EXOC4: variants seen among roughly 807,000 people sequenced by gnomAD.
EXOC4 encodes SEC8-like 1.
EXOC4 carries 71 observed loss-of-function variants against 107.2 expected under a neutral mutation model. That is an observed-to-expected ratio of 0.66 (90% CI 0.55 to 0.81). EXOC4 has a LOEUF of 0.81. Ranked by LOEUF, EXOC4 falls within the 30% of genes least tolerant of loss-of-function variation. The pLI is 0.00. For missense variants in EXOC4, 1,108 were observed against 1,189.6 expected, an observed-to-expected ratio of 0.93 and a Z score of 1.01; for synonymous variants, 456 against 441.2, an observed-to-expected ratio of 1.03 and a Z score of -0.42.
At chr7:133,326,514 A>G (rs1251488361) in intron 5 of EXOC4, among the ~76,000 whole-genome samples, 2 of 152,210 alleles carry the variant, frequency 1.3e-5, no homozygotes, top group Non-Finnish European at 2.9e-5. Flanking sequence ...CAGAGGCTGC[A>G]GAACAGTGAA....
chr7:133,947,379 G>C (rs1171508923), intron 14 of EXOC4, among the ~76,000 whole-genome samples: 1 of 152,138 alleles, frequency 6.6e-6, no homozygotes, highest in Non-Finnish European at 1.5e-5. Context: ...ATCATTTCCA[G>C]TAAATCATGG....
intron 8 of EXOC4, among the ~76,000 whole-genome samples, chr7:133,477,311 T>C (rs1009056819): frequency 1.3e-5 from 2 of 152,188 alleles, no homozygotes; most frequent in African/African-American, 4.8e-5. Context: ...CACCACATAT[T>C]CATCCCTCCA....
intron 10 of EXOC4, among the ~76,000 whole-genome samples, chr7:133,800,522 CT>C (rs1010897086): frequency 5.3e-5 from 8 of 152,170 alleles, no homozygotes; most frequent in African/African-American, 1.4e-4. Context: ...AATAACATTC[CT>C]TTTTTTGTCC....
intron 14 of EXOC4, among the ~76,000 whole-genome samples, chr7:133,975,052 A>G (rs1793799633): frequency 6.6e-6 from 1 of 151,540 alleles, no homozygotes; most frequent in South Asian, 2.1e-4. Flanking sequence ...TGTATCGCAT[A>G]TGGAGGAAAG....
intron 3 of EXOC4, among the ~76,000 whole-genome samples, chr7:133,303,712 A>C (rs1187827042): frequency 1.3e-5 from 2 of 152,222 alleles, no homozygotes; most frequent in Non-Finnish European, 2.9e-5. Flanking sequence ...TGAAGTTCTG[A>C]GACTACCTTT....
intron 10 of EXOC4, among the ~76,000 whole-genome samples, chr7:133,798,277 T>C (rs1796857514): frequency 6.6e-6 from 1 of 152,214 alleles, no homozygotes; most frequent in Non-Finnish European, 1.5e-5. Context: ...ACATAGGATA[T>C]TGTGAGTAAG....
intron 10 of EXOC4, chr7:133,732,593 T>G (rs1484654037): frequency 1.3e-5 from 2 of 153,242 alleles, no homozygotes; most frequent in Non-Finnish European, 2.9e-5. Context: ...ACCTTCACCA[T>G]GAAGCCCCAT....
intron 9 of EXOC4, among the ~76,000 whole-genome samples, chr7:133,544,061 C>A (rs1800432960): frequency 6.6e-6 from 1 of 152,084 alleles, no homozygotes; most frequent in South Asian, 2.1e-4. Context: ...TTATTACATA[C>A]ATATATTTTT....
intron 10 of EXOC4, among the ~76,000 whole-genome samples, chr7:133,815,161 A>G (rs1797335932): frequency 6.6e-6 from 1 of 152,118 alleles, no homozygotes; most frequent in African/African-American, 2.4e-5. Context: ...GGCAGATCAC[A>G]TGAGGCCAGC....
At chr7:134,097,939 A>G in the EXOC4 span, among the ~76,000 whole-genome samples, 1 of 152,206 alleles carries the variant, frequency 6.6e-6, no homozygotes, top group Non-Finnish European at 1.5e-5. Flanking sequence ...GTGATATCCA[A>G]GGTCCCTAAT....
chr7:133,862,987 CT>C (rs1798566736), intron 11 of EXOC4, among the ~76,000 whole-genome samples: 1 of 152,070 alleles, frequency 6.6e-6, no homozygotes, highest in Non-Finnish European at 1.5e-5. Context: ...TGTAAGTGTA[CT>C]ATTTGTTTTC....
chr7:133,703,303 G>A (rs10954428), intron 10 of EXOC4, among the ~76,000 whole-genome samples: 51,844 of 152,002 alleles, frequency 0.34, 9,009 homozygotes, highest in South Asian at 0.45. Context: ...TCATTGCTAC[G>A]TTGCTGCTAG....
At chr7:133,883,688 T>G (rs1440180171) in intron 11 of EXOC4, among the ~76,000 whole-genome samples, 1 of 152,162 alleles carries the variant, frequency 6.6e-6, no homozygotes, top group African/African-American at 2.4e-5. Flanking sequence ...TTGTGAAGAT[T>G]TGTGTTCATG....
At chr7:133,766,731 A>G (rs1043897204) in intron 10 of EXOC4, among the ~76,000 whole-genome samples, 9 of 152,002 alleles carry the variant, frequency 5.9e-5, no homozygotes, top group African/African-American at 2.2e-4. Flanking sequence ...ATGATTCTCA[A>G]AGACCTAATT....
intron 9 of EXOC4, among the ~76,000 whole-genome samples, chr7:133,503,306 C>T (rs994473077): frequency 4.6e-5 from 7 of 152,062 alleles, no homozygotes; most frequent in African/African-American, 1.7e-4. Flanking sequence ...AAGCAGATTC[C>T]AGAATACACC....
chr7:133,555,027 G>A (rs1176751848), intron 9 of EXOC4, among the ~76,000 whole-genome samples: 1 of 152,132 alleles, frequency 6.6e-6, no homozygotes, highest in African/African-American at 2.4e-5. Context: ...TCTAGCCTGT[G>A]GGGTGTGGAT....
chr7:133,864,903 G>T (rs1189283675), intron 11 of EXOC4, among the ~76,000 whole-genome samples: 1 of 152,070 alleles, frequency 6.6e-6, no homozygotes, highest in African/African-American at 2.4e-5. Context: ...TAAATTTCAT[G>T]GGATAGGGAT....
At chr7:133,415,242 T>C (rs1319451722) in intron 7 of EXOC4, among the ~76,000 whole-genome samples, 1 of 140,978 alleles carries the variant, frequency 7.1e-6, no homozygotes, top group East Asian at 2.2e-4. Context: ...TGAGCATTTA[T>C]GTTTAAGTTT....
chr7:133,843,459 C>T (rs1011526796), intron 11 of EXOC4, among the ~76,000 whole-genome samples: 2 of 152,102 alleles, frequency 1.3e-5, no homozygotes, highest in Non-Finnish European at 2.9e-5. Context: ...CTTGATTTGG[C>T]TGTCACCTTG....
Sources: gnomAD v4.1 joint callset for allele counts (sites outside exome capture counted in the v4.1 genomes callset) on GRCh38, gnomAD v4.1.1 for gene constraint, MANE v1.5 for transcripts, NCBI Gene and HGNC (gene_info 2026-07-23, HGNC 2026-07-21) for gene names.